Variants in KCNMA1 observed in about 807,000 individuals in gnomAD.
KCNMA1 encodes potassium calcium-activated channel subfamily M alpha 1, also known as Calcium-activated potassium channel subunit alpha-1.
A neutral mutation model predicts 140.0 loss-of-function variants in KCNMA1; 29 were observed. The observed-to-expected ratio is 0.21, with a 90% confidence interval of 0.15 to 0.28. The LOEUF is 0.28. KCNMA1 is among the 10% of genes least tolerant of loss of function. KCNMA1 has a pLI of 1.00. For synonymous variants in KCNMA1, 612 were observed against 611.9 expected (o/e 1.00, Z 0.00); for missense variants, 880 against 1,602.2 (o/e 0.55, Z 7.70).
intron 1 of KCNMA1, among the ~76,000 whole-genome samples, chr10:77,577,502 G>A (rs1567660125): frequency 6.6e-6 from 1 of 152,218 alleles, no homozygotes; most frequent in East Asian, 1.9e-4. Context: ...CCGTCCTCAG[G>A]CCATTTCATA....
At chr10:77,273,080 T>C (rs1476658950) in intron 2 of KCNMA1, among the ~76,000 whole-genome samples, 2 of 152,224 alleles carry the variant, frequency 1.3e-5, no homozygotes, top group Non-Finnish European at 2.9e-5. Flanking sequence ...TTTTCTCTGA[T>C]TTCAAAACCT....
intron 1 of KCNMA1, among the ~76,000 whole-genome samples, chr10:77,485,147 G>A (rs147419597): frequency 5.9e-5 from 9 of 152,322 alleles, no homozygotes; most frequent in Admixed American, 5.2e-4. Flanking sequence ...GACATAGGGA[G>A]CACTTCTGAA....
intron 3 of KCNMA1, 31 bp downstream of exon 3, chr10:77,251,164 C>T (rs201492492): frequency 1.8e-4 from 278 of 1,528,202 alleles, no homozygotes; most frequent in Admixed American, 3.3e-4. Context: ...GTTTATGAAA[C>T]GAGGGCAAGA....
chr10:76,944,855 G>A lies in KCNMA1; in HGVS notation c.2820C>T (p.Asp940=), dbSNP rs201688467. 29 of 1,614,100 alleles carry A rather than the reference G, an allele frequency of 1.8e-5. No homozygotes were observed. Among genetic ancestry groups the A allele is most frequent in the Non-Finnish European group, 2.4e-5 (28 of 1,179,960 alleles). ...TGAGTGACGCCAAGATGCATTCCTT[G>A]TCCTGCAGCGAAGTATCATCAATAT... is the stretch of plus-strand genomic sequence containing the variant. ...QNNIDDTSLQ[D]KECILASLNI... Residue 940 remains aspartate (D), a synonymous_variant, in exon 23 of 28, where the codon GAC becomes GAT. Coordinates refer to ENST00000286628, the MANE Select transcript of KCNMA1 (RefSeq NM_001161352.2).
intron 2 of KCNMA1, among the ~76,000 whole-genome samples, chr10:77,311,859 A>G (rs2079403340): frequency 6.6e-6 from 1 of 152,174 alleles, no homozygotes; most frequent in East Asian, 1.9e-4. Context: ...GTCTGCTGTC[A>G]TTTCTCTGAA....
chr10:77,478,799 G>T (rs1289364038), intron 1 of KCNMA1, among the ~76,000 whole-genome samples: 1 of 152,104 alleles, frequency 6.6e-6, no homozygotes, highest in Non-Finnish European at 1.5e-5. Context: ...TCAGTACAAT[G>T]CTATTTATAA....
intron 21 of KCNMA1, among the ~76,000 whole-genome samples, chr10:76,951,286 C>G (rs1368837363): frequency 1.3e-5 from 2 of 152,170 alleles, no homozygotes; most frequent in African/African-American, 4.8e-5. Flanking sequence ...AGAGCCTCAG[C>G]CCCGGTGTGT....
intron 14 of KCNMA1, among the ~76,000 whole-genome samples, chr10:77,047,285 C>A (rs1219244716): frequency 1.3e-5 from 2 of 152,320 alleles, no homozygotes; most frequent in African/African-American, 4.8e-5. Flanking sequence ...AAATCTCTTA[C>A]TCCCAGACCA....
At chr10:77,084,564 A>T in intron 12 of KCNMA1, 73 bp downstream of exon 12, 1 of 1,170,042 alleles carries the variant, frequency 8.5e-7, no homozygotes, top group Non-Finnish European at 1.3e-6. Flanking sequence ...AGTCCTCTGC[A>T]GAAGATCCAA....
chr10:77,613,667 G>A (rs926946153), intron 1 of KCNMA1, among the ~76,000 whole-genome samples: 2 of 152,148 alleles, frequency 1.3e-5, no homozygotes, highest in South Asian at 2.1e-4. Flanking sequence ...TCTGTTCTCC[G>A]ACAGGATGTT....
In KCNMA1 at chr10:77,392,411, A is replaced by G. The variant is rs1298792163; in HGVS notation, c.540+11451T>C. ...GCACAGGATGTGCAATCAGGACTAG[A>G]ATGTCTGAGCTCCCAGGCCTGTCCA... On this transcript the variant is annotated intron_variant, in intron 2 of 27. Coordinates refer to ENST00000286628, the MANE Select transcript of KCNMA1 (RefSeq NM_001161352.2). Among the ~76,000 whole-genome samples the G allele has an allele frequency of 2.0e-5, 3 of 152,070 alleles. No homozygotes were observed. In the East Asian group the frequency reaches 5.8e-4, roughly 29 times the overall value.
At chr10:77,596,144 G>A (rs2080869863) in intron 1 of KCNMA1, among the ~76,000 whole-genome samples, 3 of 151,960 alleles carry the variant, frequency 2.0e-5, no homozygotes, top group African/African-American at 2.4e-5. Context: ...AATAAATCAC[G>A]TCTCACCCAT....
At chr10:77,544,150 CTGTGTGTGTGTGTGTGTGTGTGTGTG>C (rs35370605) in intron 1 of KCNMA1, among the ~76,000 whole-genome samples, 35 of 142,556 alleles carry the variant, frequency 2.5e-4, no homozygotes, top group African/African-American at 8.9e-4. Context: ...ATCTTTCCAG[CTGTGTGTGTGTGTGTGTGTGTGTGTG>C]TGTGTGTGTG....
intron 25 of KCNMA1, among the ~76,000 whole-genome samples, chr10:76,899,993 A>G (rs1474488831): frequency 6.6e-6 from 1 of 152,096 alleles, no homozygotes; most frequent in African/African-American, 2.4e-5. Flanking sequence ...TGTATTTAAA[A>G]TTTAATTTTA....
exon 28 of KCNMA1, chr10:76,871,562 G>A (rs1329635268): frequency 1.3e-5 from 2 of 152,176 alleles, no homozygotes; most frequent in East Asian, 1.9e-4. Flanking sequence ...CAATATATGT[G>A]TGCCTTGTGT....
At chr10:77,204,447 T>C (rs1046544687) in intron 3 of KCNMA1, among the ~76,000 whole-genome samples, 2 of 152,136 alleles carry the variant, frequency 1.3e-5, no homozygotes, top group Non-Finnish European at 2.9e-5. Context: ...TCTAAATGCC[T>C]AAAACTAAAA....
chr10:77,133,062 T>C (rs2097898822), intron 5 of KCNMA1, among the ~76,000 whole-genome samples: 1 of 150,576 alleles, frequency 6.6e-6, no homozygotes, highest in South Asian at 2.1e-4. Flanking sequence ...ATACAATCAA[T>C]CATATATATT....
intron 17 of KCNMA1, among the ~76,000 whole-genome samples, chr10:77,018,500 G>T (rs374654383): frequency 6.6e-6 from 1 of 152,168 alleles, no homozygotes. Flanking sequence ...ACTTACAGTG[G>T]CTTAACAATT....
At chr10:77,510,146 G>T (rs1221989185) in intron 1 of KCNMA1, among the ~76,000 whole-genome samples, 1 of 152,110 alleles carries the variant, frequency 6.6e-6, no homozygotes, top group Non-Finnish European at 1.5e-5. Context: ...TACAATCGCA[G>T]CTCCACAGTT....
Sources: allele counts gnomAD v4.1 joint callset (sites outside exome capture counted in the v4.1 genomes callset), GRCh38; gene constraint gnomAD v4.1.1; transcripts MANE v1.5; gene names NCBI Gene and HGNC (gene_info 2026-07-23, HGNC 2026-07-21).